Variants in ETV1 observed in about 807,000 individuals in gnomAD.
The protein encoded by ETV1 is ETS variant transcription factor 1, also known as ETS translocation variant 1.
ETV1 carries 27 observed loss-of-function variants against 62.3 expected under a neutral mutation model. That is an observed-to-expected ratio of 0.43 (90% CI 0.32 to 0.60). The LOEUF (loss-of-function observed/expected upper bound fraction) is 0.60, where lower values mean the gene tolerates loss of function less well. ETV1 is among the 20% of genes least tolerant of loss of function. The pLI, the probability that ETV1 is intolerant of heterozygous loss-of-function variation, is 0.06. For missense variants in ETV1, 605 were observed against 605.8 expected, an observed-to-expected ratio of 1.00 and a Z score of 0.01; for synonymous variants, 222 against 199.6, an observed-to-expected ratio of 1.11 and a Z score of -0.94.
At chr7:13,917,546 G>A (rs915921588) in intron 9 of ETV1, among the ~76,000 whole-genome samples, 1 of 151,970 alleles carries the variant, frequency 6.6e-6, no homozygotes, top group South Asian at 2.1e-4. Context: ...TTGAACTCCT[G>A]ACCTCAGGTG....
At chr7:13,929,291 G>A (rs1562631355) in intron 9 of ETV1, among the ~76,000 whole-genome samples, 1 of 152,158 alleles carries the variant, frequency 6.6e-6, no homozygotes, top group Admixed American at 6.5e-5. Flanking sequence ...CCAAATTACA[G>A]TCCCTGGGGC....
At chr7:13,988,302 A>C in intron 3 of ETV1, 129 bp from the exon 4 acceptor site, 1 of 625,878 alleles carries the variant, frequency 1.6e-6, no homozygotes, top group Non-Finnish European at 2.8e-6. Context: ...GAATAGAAAA[A>C]TAGAAGTCCA....
rs1261775039 is a variant in ETV1, at chr7:13,931,719, G to C, written c.585C>G (p.Asn195Lys). 1 of 1,613,902 alleles carries C rather than the reference G, an allele frequency of 6.2e-7. No homozygotes were observed. The highest frequency in any genetic ancestry group is 8.5e-7 in the Non-Finnish European group (1 of 1,179,890). Residue 195 changes from asparagine to lysine, a missense_variant, in exon 9 of 14, where the codon AAC (asparagine) becomes AAG (lysine). Asn to Lys is a moderately conservative substitution (Grantham distance 94). Coordinates refer to ENST00000430479, the MANE Select transcript of ETV1 (RefSeq NM_004956.5). ...RFRRQLSEPC[N>K]SFPPLPTMPR... ...GCATCGTCGGCAAAGGAGGAAAGGA[G>C]TTACAGGGTTCAGAAAGCTGGCGGC...
chr7:13,961,674 A>G (rs997692420), intron 6 of ETV1, among the ~76,000 whole-genome samples: 1 of 152,186 alleles, frequency 6.6e-6, no homozygotes, highest in Non-Finnish European at 1.5e-5. Context: ...TAGACCCACA[A>G]ATTAGGGTGT....
At chr7:13,933,073 G>A (rs1246155566) in intron 8 of ETV1, among the ~76,000 whole-genome samples, 1 of 152,028 alleles carries the variant, frequency 6.6e-6, no homozygotes, top group Non-Finnish European at 1.5e-5. Context: ...TATTTCATTA[G>A]CCAAAAAAAG....
chr7:13,956,110 T>C (rs369515848), intron 6 of ETV1, among the ~76,000 whole-genome samples: 44 of 152,352 alleles, frequency 2.9e-4, no homozygotes, highest in African/African-American at 1.0e-3. Flanking sequence ...TTAGTTGATA[T>C]GATCTAGTGA....
chr7:13,949,374 T>C (rs1169035967), intron 6 of ETV1, among the ~76,000 whole-genome samples: 1 of 152,158 alleles, frequency 6.6e-6, no homozygotes, highest in Non-Finnish European at 1.5e-5. Context: ...CGCAATGACC[T>C]CAATTAGTGC....
At chr7:13,959,606 G>A (rs763577120) in intron 6 of ETV1, among the ~76,000 whole-genome samples, 5 of 151,846 alleles carry the variant, frequency 3.3e-5, no homozygotes, top group Non-Finnish European at 4.4e-5. Flanking sequence ...TGTTCTGGCC[G>A]GGCACAGTGG....
chr7:13,988,606 AAAAG>A, intron 3 of ETV1: 1 of 1,247,072 alleles, frequency 8.0e-7, no homozygotes, highest in Non-Finnish European at 1.0e-6. Flanking sequence ...AAAAAAAAAA[AAAAG>A]AGAAAATGAG....
At position 13,931,767 on chromosome 7, in the gene ETV1, G is replaced by A. The variant is rs1044317823; in HGVS notation, c.555-18C>T. The A allele has an allele frequency of 3.7e-6, 6 of 1,611,336 alleles. No homozygotes were observed. Among genetic ancestry groups the A allele is most frequent in the Non-Finnish European group, 5.1e-6 (6 of 1,177,736 alleles). On this transcript the variant is annotated intron_variant, in intron 8 of 13. Coordinates refer to ENST00000430479, the MANE Select transcript of ETV1 (RefSeq NM_004956.5). The stretch of plus-strand genomic sequence containing the variant: ...GGCGAAATCTAGGGAATAAGAGAGT[G>A]TGTTTCAGATGAAACGGTAACATGG...
Position 13,933,460 on chromosome 7 carries a change from T to C in ETV1, c.555-1711A>G, listed in dbSNP as rs142362590. 2.4e-4 allele frequency among the ~76,000 whole-genome samples: 36 copies of C among 152,184 alleles called. No homozygotes were observed. The East Asian group carries it at 5.4e-3, about 23-fold the overall frequency. On this transcript the variant is annotated intron_variant, in intron 8 of 13. Coordinates refer to ENST00000430479, the MANE Select transcript of ETV1 (RefSeq NM_004956.5). ...AACAGGGTGTAAGTGGTGGAAACACTGAGAAAGAGAGACAGGGCTCCTGCA... is the reference window on the plus strand; with the variant it reads ...AACAGGGTGTAAGTGGTGGAAACACCGAGAAAGAGAGACAGGGCTCCTGCA...
chr7:13,908,386 G>A (rs1056705818), intron 11 of ETV1, among the ~76,000 whole-genome samples: 13 of 151,990 alleles, frequency 8.6e-5, no homozygotes, highest in Admixed American at 6.6e-5. Context: ...CTGCAAATAT[G>A]AAGCTCACCA....
At chr7:13,968,723 T>C (rs1295317954) in intron 6 of ETV1, among the ~76,000 whole-genome samples, 1 of 152,020 alleles carries the variant, frequency 6.6e-6, no homozygotes, top group African/African-American at 2.4e-5. Context: ...ATTTAGCTAG[T>C]ATCCTTTCTC....
At chr7:13,988,042 G>A in intron 4 of ETV1, 44 bp downstream of exon 4, 1 of 1,052,212 alleles carries the variant, frequency 9.5e-7, no homozygotes, top group Non-Finnish European at 1.5e-6. Flanking sequence ...AGGGTGGAGA[G>A]TGTAGGTAAA....
At chr7:13,901,963 ATATATATCCC>A (rs1782481763) in intron 12 of ETV1, among the ~76,000 whole-genome samples, 1 of 152,124 alleles carries the variant, frequency 6.6e-6, no homozygotes, top group South Asian at 2.1e-4. Flanking sequence ...TCCTCAATGT[ATATATATCCC>A]TACCTCATCA....
upstream of ETV1, chr7:13,990,487 A>C (rs1782951277): frequency 6.6e-6 from 1 of 152,306 alleles, no homozygotes; most frequent in South Asian, 2.1e-4. Context: ...TTGCTCGTAT[A>C]TCCTAGAACC....
chr7:13,966,374 T>C (rs1466184183), intron 6 of ETV1, among the ~76,000 whole-genome samples: 1 of 152,148 alleles, frequency 6.6e-6, no homozygotes, highest in East Asian at 1.9e-4. Flanking sequence ...GGCTCACACC[T>C]GTAATCCCAG....
In ETV1 at chr7:13,893,379, CAA is replaced by C. The variant is rs1186766906; in HGVS notation, c.*2485_*2486del. Reference sequence around the variant, plus strand: ...CTTAAAAAATTTTAGATACATTTTTCAAAAGAGTTTATAATGTAATATTTTCA... The same window carrying C: ...CTTAAAAAATTTTAGATACATTTTTCAAGAGTTTATAATGTAATATTTTCA... On this transcript the variant is annotated 3_prime_UTR_variant, in exon 14 of 14. Coordinates refer to ENST00000430479, the MANE Select transcript of ETV1 (RefSeq NM_004956.5). The C allele has an allele frequency of 4.3e-6, 1 of 230,858 alleles. No individual in the cohort carries two copies. The highest frequency in any genetic ancestry group is 8.6e-6 in the Non-Finnish European group (1 of 116,784). 14.3% of individuals were successfully genotyped at this position (230,858 alleles called of 1,614,324 possible). A position where few individuals can be genotyped will look rare whatever the true frequency, so the allele number is the denominator to read the frequency against.
At chr7:13,904,407 A>G (rs532583062) in intron 12 of ETV1, among the ~76,000 whole-genome samples, 1 of 152,314 alleles carries the variant, frequency 6.6e-6, no homozygotes, top group Non-Finnish European at 1.5e-5. Flanking sequence ...TCTTCCCTCC[A>G]TTTAAAAATC....
Sources: gnomAD v4.1 joint callset for allele counts (sites outside exome capture counted in the v4.1 genomes callset) on GRCh38, gnomAD v4.1.1 for gene constraint, MANE v1.5 for transcripts, NCBI Gene and HGNC (gene_info 2026-07-23, HGNC 2026-07-21) for gene names.